Variants in BACH2 observed in about 807,000 individuals in gnomAD.
BACH2 encodes the protein BACH transcriptional regulator 2, also known as transcription regulator protein BACH2.
In BACH2, 5 loss-of-function variants were observed where a neutral mutation model predicts 61.8. The observed-to-expected ratio is 0.08, with a 90% CI of 0.04 to 0.17. The LOEUF (loss-of-function observed/expected upper bound fraction) is 0.17, where lower values mean the gene tolerates loss of function less well. Among genes scored for constraint, BACH2 ranks in the 10% least tolerant of loss-of-function variants. The pLI, the probability that BACH2 is intolerant of heterozygous loss-of-function variation, is 1.00. For missense variants in BACH2, 824 were observed against 1,091.1 expected (o/e 0.76, Z 3.45); for synonymous variants, 446 against 440.1 (o/e 1.01, Z -0.17).
chr6:90,288,851 A>AAAAAAAC (rs988091130), intron 1 of BACH2, among the ~76,000 whole-genome samples: 5 of 152,060 alleles, frequency 3.3e-5, no homozygotes, highest in Admixed American at 6.5e-5. Context: ...CCTACCCACC[A>AAAAAAAC]AAAAAACAAA....
At chr6:90,124,382 G>A (rs1279649853) in intron 4 of BACH2, among the ~76,000 whole-genome samples, 1 of 152,328 alleles carries the variant, frequency 6.6e-6, no homozygotes, top group South Asian at 2.1e-4. Context: ...ATTTCCAAGT[G>A]TTTATTCACA....
intron 5 of BACH2, among the ~76,000 whole-genome samples, chr6:90,017,412 G>A (rs2127783819): frequency 6.6e-6 from 1 of 152,122 alleles, no homozygotes; most frequent in African/African-American, 2.4e-5. Flanking sequence ...AGTATAGACA[G>A]GGTTTCACCA....
intron 5 of BACH2, chr6:90,080,743 A>G (rs548207733): frequency 1.0e-6 from 1 of 984,966 alleles, no homozygotes; most frequent in Admixed American, 6.1e-5. Flanking sequence ...CAACCCTGAG[A>G]AAGGCATCTT....
At chr6:89,972,238 T>C (rs918957977) in intron 6 of BACH2, among the ~76,000 whole-genome samples, 29 of 151,868 alleles carry the variant, frequency 1.9e-4, no homozygotes, top group African/African-American at 7.0e-4. Flanking sequence ...CAGGAGAGTA[T>C]GAGGGAGACT....
intron 1 of BACH2, among the ~76,000 whole-genome samples, chr6:90,277,009 G>A (rs1418854701): frequency 1.3e-5 from 2 of 152,086 alleles, no homozygotes; most frequent in Non-Finnish European, 2.9e-5. Context: ...CATAATGGCT[G>A]CCTTAGTATT....
At position 90,102,951 on chromosome 6, in the gene BACH2, C is replaced by T. The variant is rs1006917853; in HGVS notation, c.-161-13842G>A. On this transcript the variant is annotated intron_variant, in intron 4 of 8. Coordinates refer to ENST00000257749, the MANE Select transcript of BACH2 (RefSeq NM_021813.4). ...CAGGGCTGACTCCTAATATACAATA[C>T]TTTGAGGGGCAGTGGTAGTTACCTT... is the stretch of plus-strand genomic sequence containing the variant. 9.6e-5 allele frequency among the ~76,000 whole-genome samples: 13 copies of T among 135,388 alleles called. 1 individual carries two copies. In the East Asian group the frequency reaches 1.0e-3, roughly 11 times the overall value. 88.8% of individuals were successfully genotyped at this position (135,388 alleles called of 152,430 possible). A position where few individuals can be genotyped will look rare whatever the true frequency, so the allele number is the denominator to read the frequency against.
intron 3 of BACH2, among the ~76,000 whole-genome samples, chr6:90,210,701 T>C (rs1251129720): frequency 6.6e-6 from 1 of 152,158 alleles, no homozygotes; most frequent in Non-Finnish European, 1.5e-5. Flanking sequence ...ATTCCTCTAG[T>C]ACTGAACAAA....
intron 6 of BACH2, among the ~76,000 whole-genome samples, chr6:89,990,077 G>A (rs1776461219): frequency 6.6e-6 from 1 of 152,154 alleles, no homozygotes; most frequent in Non-Finnish European, 1.5e-5. Flanking sequence ...CTCCCACAAT[G>A]CCACCTCATA....
rs947715960 is a variant in BACH2, at chr6:89,951,683, A to G, written c.423T>C (p.Phe141=). Reference sequence around the variant, plus strand: ...GGCACGCAGCATCCTTCCGGCACACAAACAGGCCATCCTCACTGTTCAGGA... The same window carrying G: ...GGCACGCAGCATCCTTCCGGCACACGAACAGGCCATCCTCACTGTTCAGGA... The part of the protein sequence containing the change: ...TQLLNSEDGL[F]VCRKDAACQR... The change falls in exon 7 of 9, where the codon TTT becomes TTC. Residue 141 remains phenylalanine, a synonymous_variant. Coordinates refer to ENST00000257749, the MANE Select transcript of BACH2 (RefSeq NM_021813.4). This position sits in a 1 kb window ranked among gnomAD's most constrained non-coding sequence, Gnocchi z 6.4. The G allele has an allele frequency of 6.2e-7, 1 of 1,614,192 alleles. No individual in the cohort carries two copies. Among genetic ancestry groups the G allele is most frequent in the Non-Finnish European group, 8.5e-7 (1 of 1,180,030 alleles).
At chr6:90,030,379 G>C (rs577136167) in intron 5 of BACH2, among the ~76,000 whole-genome samples, 1 of 152,036 alleles carries the variant, frequency 6.6e-6, no homozygotes, top group Non-Finnish European at 1.5e-5. Context: ...GATGGTAGGA[G>C]GAAGGTTTCT....
intron 5 of BACH2, among the ~76,000 whole-genome samples, chr6:90,076,311 A>G (rs1306329228): frequency 4.6e-5 from 7 of 152,146 alleles, no homozygotes; most frequent in African/African-American, 1.7e-4. Context: ...AAAATAAAAC[A>G]AGGGCAAGCT....
chr6:90,213,527 T>C (rs1028050613), intron 3 of BACH2, among the ~76,000 whole-genome samples: 3 of 151,888 alleles, frequency 2.0e-5, no homozygotes, highest in South Asian at 2.1e-4. Context: ...GGGAGAAGAG[T>C]AGGCAAAGAG....
At chr6:90,065,860 T>C (rs1414553764) in intron 5 of BACH2, among the ~76,000 whole-genome samples, 2 of 152,118 alleles carry the variant, frequency 1.3e-5, no homozygotes, top group African/African-American at 2.4e-5. Flanking sequence ...TAAATAACCA[T>C]AGAAGGCAGT....
At chr6:90,044,746 G>A (rs1176264860) in intron 5 of BACH2, among the ~76,000 whole-genome samples, 1 of 152,202 alleles carries the variant, frequency 6.6e-6, no homozygotes, top group Non-Finnish European at 1.5e-5. Flanking sequence ...TGTGGGGTGA[G>A]AGAACGGAAA....
intron 4 of BACH2, among the ~76,000 whole-genome samples, chr6:90,177,706 G>A (rs953921718): frequency 5.9e-5 from 9 of 152,116 alleles, no homozygotes; most frequent in Admixed American, 2.0e-4. Context: ...TGGGGTTTCT[G>A]GTTCTGCCAC....
intron 4 of BACH2, among the ~76,000 whole-genome samples, chr6:90,195,349 T>C (rs1357371124): frequency 6.6e-6 from 1 of 152,112 alleles, no homozygotes; most frequent in Non-Finnish European, 1.5e-5. Flanking sequence ...CAGTTATGAG[T>C]AGCCATTTAA....
chr6:90,061,026 A>G (rs1224494354), intron 5 of BACH2, among the ~76,000 whole-genome samples: 1 of 152,198 alleles, frequency 6.6e-6, no homozygotes, highest in Admixed American at 6.5e-5. Flanking sequence ...CCTTTGGAGT[A>G]CAAAGTCTGT....
chr6:90,194,578 G>A (rs1224523865), intron 4 of BACH2, among the ~76,000 whole-genome samples: 1 of 152,180 alleles, frequency 6.6e-6, no homozygotes, highest in African/African-American at 2.4e-5. Context: ...CCACTCACCA[G>A]CATTATTCCA....
intron 4 of BACH2, among the ~76,000 whole-genome samples, chr6:90,099,843 AC>A (rs1782540307): frequency 1.2e-5 from 1 of 81,672 alleles, no homozygotes. Context: ...TAGTATATTC[AC>A]AGAGTTGTGC....
Sources: gnomAD v4.1 joint callset for allele counts (sites outside exome capture counted in the v4.1 genomes callset) on GRCh38, gnomAD v4.1.1 for gene constraint, Gnocchi (gnomAD v3.1) non-coding constraint, MANE v1.5 for transcripts, NCBI Gene and HGNC (gene_info 2026-07-23, HGNC 2026-07-21) for gene names.